Variants in CCSER1 observed in about 807,000 individuals in gnomAD.
CCSER1 encodes the protein coiled-coil serine rich protein 1, also known as serine-rich coiled-coil domain-containing protein 1.
Under a neutral mutation model 82.0 loss-of-function variants are expected in CCSER1, and 41 were observed. The observed-to-expected ratio is 0.50, with a 90% confidence interval of 0.39 to 0.65. The LOEUF (loss-of-function observed/expected upper bound fraction) is 0.65. CCSER1 is among the 30% of genes least tolerant of loss of function. The probability of loss-of-function intolerance (pLI) is 0.00; values close to 1 mark genes in which losing one functional copy is unlikely to be tolerated. For synonymous variants in CCSER1, 414 were observed against 383.9 expected (o/e 1.08, Z -0.92); for missense variants, 1,119 against 1,064.2 (o/e 1.05, Z -0.72).
chr4:91,211,283 G>A (rs1736801418), intron 10 of CCSER1, among the ~76,000 whole-genome samples: 1 of 152,048 alleles, frequency 6.6e-6, no homozygotes, highest in East Asian at 1.9e-4. Context: ...TGTTGGATTT[G>A]AGTTATATTT....
At chr4:90,379,975 A>G (rs1748962557) in intron 3 of CCSER1, among the ~76,000 whole-genome samples, 1 of 152,086 alleles carries the variant, frequency 6.6e-6, no homozygotes, top group Non-Finnish European at 1.5e-5. Context: ...CTTTTAAACA[A>G]CCAGATCTCA....
chr4:90,540,254 G>A (rs1288294256), intron 5 of CCSER1, among the ~76,000 whole-genome samples: 1 of 151,968 alleles, frequency 6.6e-6, no homozygotes, highest in African/African-American at 2.4e-5. Context: ...AGTAAAATAA[G>A]TATAAAACAC....
At chr4:91,021,176 G>GT (rs1328047681) in intron 9 of CCSER1, among the ~76,000 whole-genome samples, 13 of 151,998 alleles carry the variant, frequency 8.6e-5, no homozygotes, top group African/African-American at 2.7e-4. Context: ...ACATAAATCT[G>GT]TTTGACTATT....
At chr4:91,243,805 C>A (rs1325567557) in intron 10 of CCSER1, among the ~76,000 whole-genome samples, 1 of 152,154 alleles carries the variant, frequency 6.6e-6, no homozygotes, top group Non-Finnish European at 1.5e-5. Flanking sequence ...CTGAGACATG[C>A]TGGCTTCAAG....
intron 5 of CCSER1, among the ~76,000 whole-genome samples, chr4:90,524,057 G>GA (rs1392548834): frequency 6.6e-5 from 10 of 151,610 alleles, no homozygotes; most frequent in Admixed American, 2.0e-4. Flanking sequence ...ATAACCAAGT[G>GA]AAAAAAAACA....
At chr4:91,340,629 G>A (rs1203084588) in intron 10 of CCSER1, among the ~76,000 whole-genome samples, 1 of 152,108 alleles carries the variant, frequency 6.6e-6, no homozygotes, top group Non-Finnish European at 1.5e-5. Context: ...AGTTATACAT[G>A]CTATCTTCTA....
intron 1 of CCSER1, among the ~76,000 whole-genome samples, chr4:90,161,546 C>T (rs138452169): frequency 0.012 from 1,777 of 151,978 alleles, 17 homozygotes; most frequent in Non-Finnish European, 0.02. Flanking sequence ...TAATCTATCT[C>T]AGATCTCTTT....
At chr4:90,762,494 A>G (rs2149524723) in intron 7 of CCSER1, among the ~76,000 whole-genome samples, 1 of 152,262 alleles carries the variant, frequency 6.6e-6, no homozygotes, top group African/African-American at 2.4e-5. Flanking sequence ...CTATTTTTGC[A>G]CATCCAGGAC....
At chr4:91,073,388 C>T (rs993611465) in intron 9 of CCSER1, among the ~76,000 whole-genome samples, 2 of 152,046 alleles carry the variant, frequency 1.3e-5, no homozygotes, top group African/African-American at 4.8e-5. Flanking sequence ...AAAAGGAAGA[C>T]TGGATTTATG....
chr4:90,740,264 G>A (rs1456685527), intron 7 of CCSER1, among the ~76,000 whole-genome samples: 1 of 151,994 alleles, frequency 6.6e-6, no homozygotes, highest in South Asian at 2.1e-4. Flanking sequence ...ATTATTTGGT[G>A]TCAATATTTT....
At chr4:90,856,026 T>A (rs1561255275) in intron 8 of CCSER1, among the ~76,000 whole-genome samples, 1 of 152,156 alleles carries the variant, frequency 6.6e-6, no homozygotes, top group Non-Finnish European at 1.5e-5. Context: ...ATTGTCAATA[T>A]ATTTATAGCA....
rs1491249028 is a variant in CCSER1, at chr4:91,589,588, T to TTA, written c.2218-8984_2218-8983insTA. Among the ~76,000 whole-genome samples, 5 of 149,236 alleles carry TTA rather than the reference T, an allele frequency of 3.4e-5. No homozygotes were observed. The East Asian group carries it at 5.8e-4, about 17-fold the overall frequency. ...GACAAGAGGCTCTTTTTTTTTTTTT[T>TTA]ATGTTTTGCTATACTAAGCCACTAC... On this transcript the variant is annotated intron_variant, in intron 10 of 10. Coordinates refer to ENST00000509176, the MANE Select transcript of CCSER1 (RefSeq NM_001145065.2).
At position 90,391,483 on chromosome 4, in the gene CCSER1, T is replaced by TAC. The variant is rs1253752221; in HGVS notation, c.1510-8552_1510-8551insCA. Among the ~76,000 whole-genome samples the TAC allele has an allele frequency of 3.6e-3, 308 of 84,936 alleles. 3 individuals carry two copies. The highest frequency in any genetic ancestry group is 5.1e-3 in the Non-Finnish European group (252 of 49,220). 55.7% of individuals were successfully genotyped at this position (84,936 alleles called of 152,430 possible). A position where few individuals can be genotyped will look rare whatever the true frequency, so the allele number is the denominator to read the frequency against. ...ATATATATATATATATATATATATATATACACACACACAGTGGGTAAATAT... is the reference window on the plus strand; with the variant it reads ...ATATATATATATATATATATATATATACATACACACACACAGTGGGTAAATAT... On this transcript the variant is annotated intron_variant, in intron 3 of 10. Coordinates refer to ENST00000509176, the MANE Select transcript of CCSER1 (RefSeq NM_001145065.2).
intron 6 of CCSER1, among the ~76,000 whole-genome samples, chr4:90,717,964 A>G (rs1741953969): frequency 6.6e-6 from 1 of 151,910 alleles, no homozygotes; most frequent in Admixed American, 6.6e-5. Flanking sequence ...TGTACTCAAT[A>G]CTTTTTGAAT....
intron 8 of CCSER1, among the ~76,000 whole-genome samples, chr4:90,861,013 A>G (rs912261820): frequency 4.6e-5 from 7 of 151,666 alleles, no homozygotes; most frequent in African/African-American, 1.7e-4. Flanking sequence ...TTTATTGTAT[A>G]TGAATTATAA....
intron 10 of CCSER1, among the ~76,000 whole-genome samples, chr4:91,384,474 C>A: frequency 6.6e-6 from 1 of 150,772 alleles, no homozygotes; most frequent in South Asian, 2.1e-4. Flanking sequence ...AGTCAAAAAT[C>A]TTTTTTTTTA....
chr4:91,048,301 C>G (rs1205596084), intron 9 of CCSER1, among the ~76,000 whole-genome samples: 5 of 151,774 alleles, frequency 3.3e-5, no homozygotes, highest in Admixed American at 1.3e-4. Context: ...AATAAAATAT[C>G]AATAACAACT....
At chr4:90,938,784 G>T in intron 9 of CCSER1, 2 of 261,014 alleles carry the variant, frequency 7.7e-6, no homozygotes, top group South Asian at 3.7e-5. Flanking sequence ...TCTGTGACAT[G>T]TAAAATATTG....
At chr4:90,934,010 A>G (rs1730611326) in intron 9 of CCSER1, among the ~76,000 whole-genome samples, 3 of 151,834 alleles carry the variant, frequency 2.0e-5, no homozygotes. Flanking sequence ...GTCTTATCCT[A>G]CACCTAGCAA....
Sources: gnomAD v4.1 joint callset for allele counts (sites outside exome capture counted in the v4.1 genomes callset) on GRCh38, gnomAD v4.1.1 for gene constraint, MANE v1.5 for transcripts, NCBI Gene and HGNC (gene_info 2026-07-23, HGNC 2026-07-21) for gene names.